The following SRPK1 variants were observed in gnomAD, a reference collection of about 807,000 sequenced individuals.
SRPK1 encodes the protein SFRS protein kinase 1.
In SRPK1, 52 loss-of-function variants were observed where a neutral mutation model predicts 89.5. That is an observed-to-expected ratio of 0.58 (90% CI 0.46 to 0.73). The LOEUF (loss-of-function observed/expected upper bound fraction) is 0.73, where lower values mean the gene tolerates loss of function less well. Among genes scored for constraint, SRPK1 ranks in the 30% least tolerant of loss-of-function variants. SRPK1 has a pLI of 0.00. For synonymous variants in SRPK1, 255 were observed against 270.2 expected, an observed-to-expected ratio of 0.94 and a Z score of 0.55; for missense variants, 603 against 780.6, an observed-to-expected ratio of 0.77 and a Z score of 2.71.
intron 13 of SRPK1, among the ~76,000 whole-genome samples, chr6:35,851,537 G>A (rs893819205): frequency 5.9e-5 from 9 of 152,206 alleles, no homozygotes; most frequent in Admixed American, 1.3e-4. Flanking sequence ...TGTAGACAAA[G>A]GAAAAAGAAT....
At chr6:35,868,868 G>A (rs1437880585) in intron 12 of SRPK1, 142 bp downstream of exon 12, 1 of 639,054 alleles carries the variant, frequency 1.6e-6, no homozygotes, top group Non-Finnish European at 2.6e-6. Flanking sequence ...ATAGTAAAAG[G>A]TTTTTTTAAA....
At position 35,916,009 on chromosome 6, in the gene SRPK1, C is replaced by T. The variant is rs1489659366; in HGVS notation, c.74+4459G>A. Among the ~76,000 whole-genome samples, 29 of 80,238 alleles carry T rather than the reference C, an allele frequency of 3.6e-4. 1 individual carries two copies. The highest frequency in any genetic ancestry group is 8.0e-4 in the African/African-American group (21 of 26,372). 52.6% of individuals were successfully genotyped at this position (80,238 alleles called of 152,430 possible). On this transcript the variant is annotated intron_variant, in intron 2 of 15. Coordinates refer to ENST00000373825, the MANE Select transcript of SRPK1 (RefSeq NM_003137.5). ...AAAAAAAAATATATACACACACACACACACACACACACACACACACACACA... is the reference window on the plus strand; with the variant it reads ...AAAAAAAAATATATACACACACACATACACACACACACACACACACACACA...
At chr6:35,883,442 ATTAT>A (rs1028900639) in intron 6 of SRPK1, among the ~76,000 whole-genome samples, 6 of 147,226 alleles carry the variant, frequency 4.1e-5, no homozygotes, top group African/African-American at 1.3e-4. Context: ...TCAAAACAAG[ATTAT>A]TTAAAATGCA....
At chr6:35,839,494 A>C (rs527945097) in intron 14 of SRPK1, among the ~76,000 whole-genome samples, 1 of 152,322 alleles carries the variant, frequency 6.6e-6, no homozygotes, top group African/African-American at 2.4e-5. Context: ...CAAACATTTT[A>C]AAGTATAGCT....
chr6:35,889,710 G>A (rs1770478822), intron 3 of SRPK1, among the ~76,000 whole-genome samples: 1 of 151,840 alleles, frequency 6.6e-6, no homozygotes, highest in Admixed American at 6.6e-5. Flanking sequence ...CTTGAACCCA[G>A]GAGGTGGAGG....
At chr6:35,837,185 C>A (rs917016211) in intron 15 of SRPK1, among the ~76,000 whole-genome samples, 1 of 151,918 alleles carries the variant, frequency 6.6e-6, no homozygotes. Context: ...TTTGTAATAA[C>A]AAATACATAA....
chr6:35,902,888 C>T (rs1421443753), intron 2 of SRPK1, among the ~76,000 whole-genome samples: 3 of 152,148 alleles, frequency 2.0e-5, no homozygotes, highest in Non-Finnish European at 4.4e-5. Context: ...TGTCCTCAAG[C>T]TCATATGTAG....
chr6:35,857,008 A>AT, intron 13 of SRPK1: 1 of 401,512 alleles, frequency 2.5e-6, no homozygotes, highest in Non-Finnish European at 4.4e-6. Flanking sequence ...TGTTTTCATT[A>AT]TTTCCCCCCA....
intron 2 of SRPK1, among the ~76,000 whole-genome samples, chr6:35,893,680 A>G (rs183188627): frequency 3.3e-5 from 5 of 152,294 alleles, no homozygotes; most frequent in Admixed American, 2.0e-4. Flanking sequence ...AAACTTTTCC[A>G]GATTCTGGCA....
chr6:35,842,675 T>TGGC, intron 13 of SRPK1, 71 bp from the exon 14 acceptor site: 1 of 1,143,428 alleles, frequency 8.7e-7, no homozygotes, highest in Non-Finnish European at 1.2e-6. Context: ...GATTGCTATT[T>TGGC]GGCTCAATAT....
intron 2 of SRPK1, among the ~76,000 whole-genome samples, chr6:35,916,689 G>C (rs994660412): frequency 5.3e-5 from 8 of 152,254 alleles, no homozygotes; most frequent in African/African-American, 1.9e-4. Flanking sequence ...GTCCAAACCA[G>C]CTTCCTAAGG....
chr6:35,920,990 G>T (rs1554158698), intron 1 of SRPK1, 54 bp downstream of exon 1: 2 of 1,522,098 alleles, frequency 1.3e-6, no homozygotes, highest in Non-Finnish European at 1.8e-6. Flanking sequence ...CGCTGACCCG[G>T]GCCTCGCCCC....
chr6:35,918,443 G>A (rs1440556647), intron 2 of SRPK1, among the ~76,000 whole-genome samples: 4 of 152,176 alleles, frequency 2.6e-5, no homozygotes, highest in Admixed American at 1.3e-4. Flanking sequence ...GGAGGTTGCA[G>A]TGAGCCGAGA....
chr6:35,882,044 A>G (rs1032833466), intron 6 of SRPK1, among the ~76,000 whole-genome samples: 2 of 146,368 alleles, frequency 1.4e-5, no homozygotes, highest in African/African-American at 5.0e-5. Flanking sequence ...GAAGAAGAAC[A>G]AGAACAATAA....
intron 6 of SRPK1, among the ~76,000 whole-genome samples, chr6:35,880,735 G>GAAAAAAAAAAAAAAAAAAAAAA (rs1238876364): frequency 4.8e-4 from 13 of 26,840 alleles, no homozygotes; most frequent in Non-Finnish European, 6.8e-4. Context: ...AAAAAAAAAA[G>GAAAAAAAAAAAAAAAAAAAAAA]AAAAAAAAAA....
intron 14 of SRPK1, chr6:35,838,731 A>G (rs533702021): frequency 4.9e-6 from 7 of 1,421,682 alleles, no homozygotes; most frequent in South Asian, 2.3e-5. Context: ...AGTCTTGTGA[A>G]TATTTCCCAC....
In SRPK1 at chr6:35,834,312, T is replaced by C. The variant is rs967756700; in HGVS notation, c.*992A>G. On this transcript the variant is annotated 3_prime_UTR_variant, in exon 16 of 16. Coordinates refer to ENST00000373825, the MANE Select transcript of SRPK1 (RefSeq NM_003137.5). ...GGAAAACTGCTTCAAGGCCAGAATT[T>C]TGGGTAAGGTAAAGAAAAAGCTGTA... is the stretch of plus-strand genomic sequence containing the variant. 3 of 152,256 alleles carry C rather than the reference T, an allele frequency of 2.0e-5. No individual in the cohort carries two copies. The highest frequency in any genetic ancestry group is 2.9e-5 in the Non-Finnish European group (2 of 68,018). The allele number at this position is 152,256 out of a possible 1,614,324, so 9.4% of individuals were successfully genotyped here.
rs991854103 is a variant in SRPK1 at position 35,920,477 on chromosome 6, G to A, written c.65C>T (p.Ala22Val). ...KKRTKAKKDK[A>V]QRKSETQHRG... ...GGGGTACAAGACTCACTTCCTTTGG[G>A]CTTTGTCCTTCTTGGCCTTGGTCCT... The change falls in exon 2 of 16, where the codon GCC becomes GTC. Residue 22 changes from alanine to valine, a missense_variant. Transcript: ENST00000373825. 1.2e-6 allele frequency: 2 copies of A among 1,613,292 alleles called. No individual in the cohort carries two copies.
Position 35,870,936 on chromosome 6 carries a change from G to A in SRPK1, c.775C>T (p.Pro259Ser). The part of the protein sequence containing the change: ...SAVSTAPQPK[P>S]ADKMSKNKKK... The stretch of plus-strand genomic sequence containing the variant: ...ATATAAAAACACCTTATACTTACTG[G>A]TTTAGGCTGGGGAGCAGTACTGACT... Residue 259 changes from proline to serine, a missense_variant and splice_region_variant, in exon 9 of 16, where the codon CCA becomes TCA. Pro to Ser is a moderately conservative substitution (Grantham distance 74). Coordinates refer to ENST00000373825, the MANE Select transcript of SRPK1 (RefSeq NM_003137.5). 6.2e-7 allele frequency: 1 copy of A among 1,607,748 alleles called. No homozygotes were observed. The highest frequency in any genetic ancestry group is 8.5e-7 in the Non-Finnish European group (1 of 1,176,050).
Sources: gnomAD v4.1 joint callset for allele counts (sites outside exome capture counted in the v4.1 genomes callset) on GRCh38, gnomAD v4.1.1 for gene constraint, MANE v1.5 for transcripts, NCBI Gene and HGNC (gene_info 2026-07-23, HGNC 2026-07-21) for gene names.